The following CENPU variants were observed in gnomAD, a reference collection of about 807,000 sequenced individuals.
CENPU encodes centromere protein U, also known as KSHV latent nuclear antigen interacting protein 1.
A neutral mutation model predicts 56.7 loss-of-function variants in CENPU; 46 were observed. The observed-to-expected ratio is 0.81, with a 90% confidence interval of 0.64 to 1.04. CENPU has a LOEUF of 1.04. Among genes scored for constraint, CENPU ranks in the 50% least tolerant of loss-of-function variants. The pLI is 0.00. For synonymous variants in CENPU, 166 were observed against 163.0 expected (o/e 1.02, Z -0.14); for missense variants, 510 against 490.1 (o/e 1.04, Z -0.38).
intron 8 of CENPU, among the ~76,000 whole-genome samples, chr4:184,707,617 C>T (rs375509522): frequency 9.9e-5 from 15 of 152,120 alleles, no homozygotes; most frequent in African/African-American, 1.7e-4. Flanking sequence ...TGAGATGAGT[C>T]GCTGAGGCTG....
At chr4:184,724,687 C>T (rs1187805527) in intron 4 of CENPU, among the ~76,000 whole-genome samples, 1 of 152,182 alleles carries the variant, frequency 6.6e-6, no homozygotes, top group Non-Finnish European at 1.5e-5. Flanking sequence ...TAAAATCTTT[C>T]CCTCCTTTCT....
chr4:184,715,942 T>G (rs891314544), intron 6 of CENPU, among the ~76,000 whole-genome samples: 4 of 151,172 alleles, frequency 2.6e-5, no homozygotes, highest in Admixed American at 6.6e-5. Context: ...TTTTTGTTTT[T>G]TTTTTTTTAA....
intron 7 of CENPU, chr4:184,710,413 C>T (rs1164027323): frequency 2.9e-6 from 1 of 347,440 alleles, no homozygotes; most frequent in Non-Finnish European, 5.2e-6. Context: ...TCTGCTAAAG[C>T]AACCAAAAGC....
chr4:184,701,973 C>T lies in CENPU; in HGVS notation c.924+116G>A, dbSNP rs139446913. 20 of 697,600 alleles carry T rather than the reference C, an allele frequency of 2.9e-5. No homozygotes were observed. In the African/African-American group the frequency reaches 3.1e-4, roughly 11 times the overall value. 43.2% of individuals were successfully genotyped at this position (697,600 alleles called of 1,614,324 possible). A position where few individuals can be genotyped will look rare whatever the true frequency, so the allele number is the denominator to read the frequency against. On this transcript the variant is annotated intron_variant, in intron 10 of 12. Transcript: ENST00000281453. ...CAAGATCAACCAAATAAAAGCCTGA[C>T]AAGATTATGAAATCTACTCACACTC...
At chr4:184,730,622 CAAT>C (rs1436032172) in intron 2 of CENPU, among the ~76,000 whole-genome samples, 5 of 151,350 alleles carry the variant, frequency 3.3e-5, no homozygotes, top group Admixed American at 6.6e-5. Context: ...TTGAAAAGTA[CAAT>C]GAGGAGAAAT....
chr4:184,694,461 C>A lies in CENPU; in HGVS notation c.*827G>T. ...TTCAACATAGAGTATAAGGTTAAAT[C>A]ACATATCCTGAGTAAATATTTTCCT... On this transcript the variant is annotated 3_prime_UTR_variant, in exon 13 of 13. Coordinates refer to ENST00000281453, the MANE Select transcript of CENPU (RefSeq NM_024629.4). 6.4e-7 allele frequency: 1 copy of A among 1,562,046 alleles called. No individual in the cohort carries two copies. The highest frequency in any genetic ancestry group is 8.7e-7 in the Non-Finnish European group (1 of 1,151,708).
At chr4:184,724,700 T>C (rs1336682310) in intron 4 of CENPU, among the ~76,000 whole-genome samples, 1 of 152,240 alleles carries the variant, frequency 6.6e-6, no homozygotes, top group Non-Finnish European at 1.5e-5. Context: ...TCCTTTCTTA[T>C]TTGACTCAAA....
chr4:184,714,325 C>T (rs1162571620), intron 6 of CENPU, among the ~76,000 whole-genome samples: 1 of 152,036 alleles, frequency 6.6e-6, no homozygotes, highest in Non-Finnish European at 1.5e-5. Context: ...TACAGGCAGG[C>T]AATCAGTGAA....
chr4:184,715,479 A>AT lies in CENPU; in HGVS notation c.618+917dup, dbSNP rs773947718. On this transcript the variant is annotated intron_variant, in intron 6 of 12. Coordinates refer to ENST00000281453, the MANE Select transcript of CENPU (RefSeq NM_024629.4). ...AGGCACGCGCCACCACATCCAGCTA[A>AT]TTTTTGTATTTTCAGTAGAGATGGG... 8.5e-4 allele frequency among the ~76,000 whole-genome samples: 130 copies of AT among 152,098 alleles called. 2 individuals are homozygous for AT. The highest frequency in any genetic ancestry group is 3.2e-4 in the Non-Finnish European group (22 of 68,010).
chr4:184,695,827 G>A (rs1760273287), intron 12 of CENPU, among the ~76,000 whole-genome samples: 1 of 152,082 alleles, frequency 6.6e-6, no homozygotes, highest in Non-Finnish European at 1.5e-5. Flanking sequence ...CTAATGGAAT[G>A]AGAACACCAG....
At chr4:184,709,718 A>C (rs1213620947) in intron 8 of CENPU, among the ~76,000 whole-genome samples, 2 of 151,998 alleles carry the variant, frequency 1.3e-5, no homozygotes, top group Non-Finnish European at 2.9e-5. Flanking sequence ...TCCAATAATT[A>C]GAGATTCTAT....
chr4:184,725,693 T>C (rs886468412), intron 3 of CENPU, among the ~76,000 whole-genome samples: 1 of 152,186 alleles, frequency 6.6e-6, no homozygotes, highest in African/African-American at 2.4e-5. Flanking sequence ...CTCAGTATTT[T>C]TGAATGAAAA....
At chr4:184,703,057 A>C (rs1322817979) in intron 8 of CENPU, among the ~76,000 whole-genome samples, 1 of 152,150 alleles carries the variant, frequency 6.6e-6, no homozygotes. Context: ...TAAATAACTA[A>C]GATGGCAATG....
At chr4:184,709,347 C>T (rs1486452908) in intron 8 of CENPU, among the ~76,000 whole-genome samples, 1 of 151,782 alleles carries the variant, frequency 6.6e-6, no homozygotes, top group Admixed American at 6.6e-5. Flanking sequence ...ATTAGCTGGG[C>T]GGGGTGGCAC....
chr4:184,702,168 A>G (rs1481286513), intron 9 of CENPU, 32 bp from the exon 10 acceptor site: 3 of 1,506,170 alleles, frequency 2.0e-6, no homozygotes, highest in Non-Finnish European at 2.8e-6. Flanking sequence ...CATGTACATC[A>G]GTTTCCAAAA....
intron 2 of CENPU, 77 bp downstream of exon 2, chr4:184,730,843 A>C: frequency 8.9e-7 from 1 of 1,126,746 alleles, no homozygotes; most frequent in Non-Finnish European, 1.3e-6. Flanking sequence ...AGTGAAGTCT[A>C]CAAAACTGAG....
At chr4:184,702,748 A>G (rs1760579387) in intron 8 of CENPU, among the ~76,000 whole-genome samples, 1 of 152,088 alleles carries the variant, frequency 6.6e-6, no homozygotes, top group Non-Finnish European at 1.5e-5. Flanking sequence ...AGGAGTCCCC[A>G]GTGTCTATTG....
chr4:184,711,956 A>T (rs776630615), intron 7 of CENPU, among the ~76,000 whole-genome samples: 2 of 152,052 alleles, frequency 1.3e-5, no homozygotes, highest in Non-Finnish European at 2.9e-5. Flanking sequence ...CCCCGTCTCT[A>T]CTAAAATACA....
At chr4:184,730,431 C>T (rs996288279) in intron 2 of CENPU, among the ~76,000 whole-genome samples, 1 of 151,448 alleles carries the variant, frequency 6.6e-6, no homozygotes, top group Non-Finnish European at 1.5e-5. Flanking sequence ...CACTGTCATA[C>T]ACTGTTAATG....
Sources: allele counts gnomAD v4.1 joint callset (sites outside exome capture counted in the v4.1 genomes callset), GRCh38; gene constraint gnomAD v4.1.1; transcripts MANE v1.5; gene names NCBI Gene and HGNC (gene_info 2026-07-23, HGNC 2026-07-21).